CADM2: variants seen among roughly 807,000 people sequenced by gnomAD.
CADM2 encodes the protein cell adhesion molecule 2, also known as immunoglobulin superfamily member 4D.
A neutral mutation model predicts 49.8 loss-of-function variants in CADM2; 12 were observed. The ratio of observed to expected loss-of-function variants is 0.24; its 90% CI spans 0.15 to 0.39. CADM2 has a LOEUF of 0.39. Ranked by LOEUF, CADM2 falls within the 10% of genes least tolerant of loss-of-function variation. The pLI is 1.00. For synonymous variants in CADM2, 214 were observed against 175.4 expected (o/e 1.22, Z -1.74); for missense variants, 378 against 492.3 (o/e 0.77, Z 2.20).
intron 5 of CADM2, among the ~76,000 whole-genome samples, chr3:85,904,165 C>G (rs1187571135): frequency 2.0e-5 from 3 of 152,132 alleles, no homozygotes; most frequent in Non-Finnish European, 4.4e-5. Flanking sequence ...TGGCTTCTTC[C>G]CTGGGCAAAA....
intron 1 of CADM2, among the ~76,000 whole-genome samples, chr3:85,343,520 C>A (rs1407945051): frequency 6.6e-6 from 1 of 152,134 alleles, no homozygotes; most frequent in African/African-American, 2.4e-5. Context: ...TGACTCATTT[C>A]ACCCTTTGAA....
intron 1 of CADM2, among the ~76,000 whole-genome samples, chr3:85,705,600 T>C (rs1403795106): frequency 6.6e-6 from 1 of 152,210 alleles, no homozygotes; most frequent in African/African-American, 2.4e-5. Context: ...ATCTGTAATA[T>C]ACATACAGGA....
At chr3:85,833,973 A>T (rs2074295365) in intron 3 of CADM2, among the ~76,000 whole-genome samples, 2 of 151,576 alleles carry the variant, frequency 1.3e-5, no homozygotes, top group Admixed American at 1.3e-4. Context: ...TAACAGTACT[A>T]ATTCTTCCAA....
At chr3:85,623,336 C>A (rs1034036254) in intron 1 of CADM2, among the ~76,000 whole-genome samples, 1 of 152,066 alleles carries the variant, frequency 6.6e-6, no homozygotes, top group African/African-American at 2.4e-5. Flanking sequence ...TAGGGTTAAA[C>A]CATTTTGATT....
chr3:85,891,187 T>C (rs1466760676), intron 5 of CADM2, among the ~76,000 whole-genome samples: 1 of 152,208 alleles, frequency 6.6e-6, no homozygotes, highest in African/African-American at 2.4e-5. Flanking sequence ...ATCTTCTGCA[T>C]AGCAAGAAAG....
chr3:85,308,310 T>TACACACACACACACACACACACAC (rs10662960), intron 1 of CADM2, among the ~76,000 whole-genome samples: 1 of 143,512 alleles, frequency 7.0e-6, no homozygotes, highest in Non-Finnish European at 1.5e-5. Context: ...TCTACCTCTC[T>TACACACACACACACACACACACAC]ACACACACAC....
intron 1 of CADM2, among the ~76,000 whole-genome samples, chr3:85,164,964 A>T (rs917652266): frequency 1.3e-5 from 2 of 151,522 alleles, no homozygotes; most frequent in Non-Finnish European, 3.0e-5. Flanking sequence ...ATGTGTGTAC[A>T]TATGTGTGTG....
intron 1 of CADM2, among the ~76,000 whole-genome samples, chr3:85,334,057 A>G (rs1295031686): frequency 1.3e-5 from 2 of 151,740 alleles, no homozygotes; most frequent in African/African-American, 4.8e-5. Context: ...ATTAACTATT[A>G]CTGAATTAAT....
intron 1 of CADM2, among the ~76,000 whole-genome samples, chr3:85,145,694 T>C (rs2039717347): frequency 6.6e-6 from 1 of 152,084 alleles, no homozygotes. Context: ...ATAGAAGTAA[T>C]GGAATGGTAT....
At chr3:85,183,153 G>A (rs1332734931) in intron 1 of CADM2, among the ~76,000 whole-genome samples, 1 of 152,074 alleles carries the variant, frequency 6.6e-6, no homozygotes, top group Non-Finnish European at 1.5e-5. Context: ...TTGCATCAGT[G>A]ATGTTAAAGT....
chr3:85,127,930 A>T (rs561780444), intron 1 of CADM2, among the ~76,000 whole-genome samples: 13 of 152,284 alleles, frequency 8.5e-5, no homozygotes, highest in Admixed American at 7.8e-4. Flanking sequence ...GCTGCTTGTG[A>T]CTATTTAAAT....
chr3:85,707,436 T>A (rs2066986044), intron 1 of CADM2, among the ~76,000 whole-genome samples: 2 of 150,768 alleles, frequency 1.3e-5, no homozygotes, highest in Admixed American at 1.3e-4. Context: ...GGAAATATAT[T>A]TTATGTAGCC....
chr3:85,914,145 T>A (rs1212300481), intron 6 of CADM2, among the ~76,000 whole-genome samples: 3 of 152,182 alleles, frequency 2.0e-5, no homozygotes, highest in Admixed American at 2.0e-4. Flanking sequence ...ATTACAATTA[T>A]GTTAGGTTAA....
intron 6 of CADM2, among the ~76,000 whole-genome samples, chr3:85,935,073 A>G (rs115070725): frequency 0.018 from 2,784 of 152,202 alleles, 80 homozygotes; most frequent in African/African-American, 0.062. Context: ...TTCAAGTTAT[A>G]CATATAAATG....
rs72907131 is a variant in CADM2, at chr3:85,140,003, G to A, written c.61+180335G>A. ...GAACAGATAACACGTTCAGTTTCAG[G>A]CTGGAGTTAAAGACCAGTGGATAGG... On this transcript the variant is annotated intron_variant, in intron 1 of 9. Transcript: ENST00000383699. Among the ~76,000 whole-genome samples the A allele has an allele frequency of 6.4e-3, 975 of 152,214 alleles. 15 individuals carry two copies. Among genetic ancestry groups the A allele is most frequent in the African/African-American group, 0.022 (906 of 41,536 alleles).
At chr3:85,348,134 T>G in intron 1 of CADM2, among the ~76,000 whole-genome samples, 1 of 152,180 alleles carries the variant, frequency 6.6e-6, no homozygotes, top group East Asian at 1.9e-4. Flanking sequence ...CTCCTCCCAG[T>G]GTATCATGTT....
intron 1 of CADM2, among the ~76,000 whole-genome samples, chr3:85,161,660 A>G (rs551051816): frequency 6.6e-6 from 1 of 152,298 alleles, no homozygotes; most frequent in East Asian, 1.9e-4. Context: ...AATATGAATC[A>G]TATGTTGACA....
chr3:86,067,439 G>T lies in CADM2; in HGVS notation c.*656G>T, dbSNP rs2107446790. The T allele has an allele frequency of 6.6e-6, 1 of 152,624 alleles. No homozygotes were observed. Among genetic ancestry groups the T allele is most frequent in the African/African-American group, 2.4e-5 (1 of 41,536 alleles). The allele number at this position is 152,624 out of a possible 1,614,324, so 9.5% of individuals were successfully genotyped here. On this transcript the variant is annotated 3_prime_UTR_variant, in exon 10 of 10. Coordinates refer to ENST00000383699, the MANE Select transcript of CADM2 (RefSeq NM_001167675.2). ...AGCCATGTGTACGAATTGCAATCATGACATGGTATTTTCTATAATTATAGA... is the reference window on the plus strand; with the variant it reads ...AGCCATGTGTACGAATTGCAATCATTACATGGTATTTTCTATAATTATAGA...
At chr3:85,470,911 A>G (rs2038738255) in intron 1 of CADM2, among the ~76,000 whole-genome samples, 1 of 152,182 alleles carries the variant, frequency 6.6e-6, no homozygotes, top group South Asian at 2.1e-4. Flanking sequence ...ATTAACTGGA[A>G]AAATATATTT....
Sources: allele counts gnomAD v4.1 joint callset (sites outside exome capture counted in the v4.1 genomes callset), GRCh38; gene constraint gnomAD v4.1.1; transcripts MANE v1.5; gene names NCBI Gene and HGNC (gene_info 2026-07-23, HGNC 2026-07-21).